Variants in ACTR3C observed in about 807,000 individuals in gnomAD.
ACTR3C encodes the protein actin related protein 3C, also known as actin-related protein 3C.
A neutral mutation model predicts 26.3 loss-of-function variants in ACTR3C; 18 were observed. The ratio of observed to expected loss-of-function variants is 0.68; its 90% CI spans 0.47 to 1.01. The LOEUF is 1.01. Among genes scored for constraint, ACTR3C ranks in the 50% least tolerant of loss-of-function variants. The pLI is 0.00. For missense variants in ACTR3C, 184 were observed against 250.7 expected (o/e 0.73, Z 1.80); for synonymous variants, 55 against 94.5 (o/e 0.58, Z 2.42).
chr7:149,897,484 A>G, the ACTR3C span, among the ~76,000 whole-genome samples: 1 of 152,254 alleles, frequency 6.6e-6, no homozygotes, highest in South Asian at 2.1e-4. Context: ...TTCCAAGACA[A>G]ATTAGTAAAC....
the ACTR3C span, among the ~76,000 whole-genome samples, chr7:149,924,695 A>G: frequency 3.0e-3 from 461 of 151,468 alleles, 1 homozygote; most frequent in African/African-American, 0.01. Flanking sequence ...GCTCAATCTC[A>G]GCTCACTGCA....
chr7:150,221,998 CAAA>C, the ACTR3C span, among the ~76,000 whole-genome samples: 21 of 79,784 alleles, frequency 2.6e-4, 1 homozygote, highest in African/African-American at 4.8e-4. Context: ...ACTCCGTCTC[CAAA>C]AAAAAAAAAA....
chr7:150,020,856 C>T, the ACTR3C span, among the ~76,000 whole-genome samples: 5 of 152,064 alleles, frequency 3.3e-5, no homozygotes, highest in African/African-American at 1.2e-4. Flanking sequence ...GTTTTGCCCT[C>T]GTCACCCAGG....
intron 6 of ACTR3C, among the ~76,000 whole-genome samples, chr7:150,253,256 G>T (rs1832973724): frequency 6.6e-6 from 1 of 152,100 alleles, no homozygotes; most frequent in African/African-American, 2.4e-5. Flanking sequence ...CCATTTTTCA[G>T]GGACAGAGCA....
At chr7:150,238,717 G>T in the ACTR3C span, among the ~76,000 whole-genome samples, 1 of 148,812 alleles carries the variant, frequency 6.7e-6, no homozygotes, top group South Asian at 2.1e-4. Context: ...GGAAAATAAA[G>T]ATCTGTTCCA....
the ACTR3C span, among the ~76,000 whole-genome samples, chr7:150,034,907 CCCA>C: frequency 8.2e-3 from 1,210 of 147,658 alleles, 21 homozygotes; most frequent in Non-Finnish European, 0.013. Flanking sequence ...GGGTGCCTCC[CCCA>C]CCCTGCGATG....
chr7:150,244,753 T>C, downstream of ACTR3C: 1 of 177,458 alleles, frequency 5.6e-6, no homozygotes, highest in East Asian at 1.3e-4. Flanking sequence ...GCCTCTGCTC[T>C]TCCCAGCCTC....
the ACTR3C span, among the ~76,000 whole-genome samples, chr7:150,025,114 T>G: frequency 1.4e-5 from 2 of 147,236 alleles, no homozygotes; most frequent in South Asian, 2.3e-4. Flanking sequence ...TTAGGGGGAA[T>G]GAACAGAACT....
At chr7:150,084,515 G>A in the ACTR3C span, among the ~76,000 whole-genome samples, 114 of 152,276 alleles carry the variant, frequency 7.5e-4, no homozygotes, top group Non-Finnish European at 1.4e-3. Context: ...GCCTCACTGC[G>A]GAGGTATCAT....
the ACTR3C span, among the ~76,000 whole-genome samples, chr7:149,969,269 C>CTGTGTGTGTGTGTGTGTG: frequency 4.9e-5 from 7 of 141,460 alleles, no homozygotes; most frequent in African/African-American, 1.7e-4. Flanking sequence ...TCAGAAAGAG[C>CTGTGTGTGTGTGTGTGTG]TGTGTGTGTG....
chr7:150,241,741 T>C (rs1832186324), downstream of ACTR3C, among the ~76,000 whole-genome samples: 1 of 152,102 alleles, frequency 6.6e-6, no homozygotes, highest in African/African-American at 2.4e-5. Flanking sequence ...AATACATATG[T>C]CTGCCCAAGA....
chr7:150,148,278 A>G, the ACTR3C span, among the ~76,000 whole-genome samples: 1 of 152,030 alleles, frequency 6.6e-6, no homozygotes, highest in Non-Finnish European at 1.5e-5. Context: ...GGAGTTCGAG[A>G]CCAGCCTTGC....
the ACTR3C span, among the ~76,000 whole-genome samples, chr7:149,907,479 T>TCTCTTCTCTCTCTCTCTCTCC: frequency 1.6e-4 from 1 of 6,170 alleles, no homozygotes; most frequent in East Asian, 3.6e-3. Context: ...TCTCTTCTCT[T>TCTCTTCTCTCTCTCTCTCTCC]CTCTCTCTCT....
At chr7:149,950,333 G>A in the ACTR3C span, among the ~76,000 whole-genome samples, 5 of 146,012 alleles carry the variant, frequency 3.4e-5, no homozygotes, top group Non-Finnish European at 5.9e-5. Context: ...GGGGCAGTTG[G>A]CCAGCTGCTG....
the ACTR3C span, among the ~76,000 whole-genome samples, chr7:150,034,809 C>G: frequency 2.7e-5 from 4 of 145,940 alleles, no homozygotes; most frequent in Non-Finnish European, 3.0e-5. Context: ...CAGTCCCCGC[C>G]TCGTGGGGGG....
chr7:150,048,042 A>G, the ACTR3C span, among the ~76,000 whole-genome samples: 70 of 151,746 alleles, frequency 4.6e-4, no homozygotes, highest in African/African-American at 6.8e-4. Flanking sequence ...TGGCGACTCT[A>G]CCTGGCTCAG....
chr7:150,136,890 G>A, the ACTR3C span, among the ~76,000 whole-genome samples: 1 of 152,174 alleles, frequency 6.6e-6, no homozygotes, highest in African/African-American at 2.4e-5. Flanking sequence ...TTTTGTGGAA[G>A]ACAGTTTGTC....
At chr7:150,211,559 G>T in the ACTR3C span, among the ~76,000 whole-genome samples, 2 of 150,412 alleles carry the variant, frequency 1.3e-5, no homozygotes, top group Non-Finnish European at 2.9e-5. Flanking sequence ...AGGATTACAT[G>T]TGTGAACCAC....
At chr7:150,182,240 T>G in the ACTR3C span, among the ~76,000 whole-genome samples, 1 of 150,734 alleles carries the variant, frequency 6.6e-6, no homozygotes, top group Non-Finnish European at 1.5e-5. Flanking sequence ...TTACTGTGGA[T>G]TTGTTAGCTG....
Sources: gnomAD v4.1 joint callset for allele counts (sites outside exome capture counted in the v4.1 genomes callset) on GRCh38, gnomAD v4.1.1 for gene constraint, MANE v1.5 for transcripts, NCBI Gene and HGNC (gene_info 2026-07-23, HGNC 2026-07-21) for gene names.